The following TNFRSF21 variants were observed in gnomAD, a reference collection of about 807,000 sequenced individuals.
TNFRSF21 encodes tumor necrosis factor receptor superfamily member 21.
A neutral mutation model predicts 45.6 loss-of-function variants in TNFRSF21; 19 were observed. The observed-to-expected ratio is 0.42, with a 90% CI of 0.29 to 0.61. The LOEUF (loss-of-function observed/expected upper bound fraction) is 0.61. Among genes scored for constraint, TNFRSF21 ranks in the 20% least tolerant of loss-of-function variants. The pLI is 0.23. For synonymous variants in TNFRSF21, 314 were observed against 335.5 expected (o/e 0.94, Z 0.70); for missense variants, 737 against 851.5 (o/e 0.87, Z 1.67).
chr6:47,267,977 A>G (rs990041880), intron 3 of TNFRSF21, among the ~76,000 whole-genome samples: 2 of 152,204 alleles, frequency 1.3e-5, no homozygotes, highest in African/African-American at 4.8e-5. Flanking sequence ...ACAAGTAGAA[A>G]TTGAGGAGAA....
chr6:47,234,949 A>T, intron 4 of TNFRSF21, 51 bp from the exon 5 acceptor site: 1 of 1,086,470 alleles, frequency 9.2e-7, no homozygotes, highest in Non-Finnish European at 1.2e-6. Context: ...AAAACAGTAA[A>T]ATTAAAATCC....
chr6:47,274,794 A>G (rs1762473729), intron 3 of TNFRSF21, among the ~76,000 whole-genome samples: 2 of 152,230 alleles, frequency 1.3e-5, no homozygotes, highest in Admixed American at 6.5e-5. Flanking sequence ...ATTTACAAGA[A>G]AAAAACAAAC....
intron 4 of TNFRSF21, among the ~76,000 whole-genome samples, chr6:47,251,081 G>GA (rs1764894068): frequency 6.6e-6 from 1 of 152,054 alleles, no homozygotes; most frequent in East Asian, 1.9e-4. Flanking sequence ...TCCAAAGTCT[G>GA]AAAAAATCCA....
At chr6:47,242,767 G>A (rs548867125) in intron 4 of TNFRSF21, among the ~76,000 whole-genome samples, 7 of 152,310 alleles carry the variant, frequency 4.6e-5, no homozygotes, top group Admixed American at 3.9e-4. Context: ...CAGTGAATAA[G>A]TGGGTTCTCT....
chr6:47,309,691 G>C lies in TNFRSF21; in HGVS notation c.-180C>G. On this transcript the variant is annotated 5_prime_UTR_variant, in exon 1 of 6. Transcript: ENST00000296861. The stretch of plus-strand genomic sequence containing the variant: ...GGGAGGCGGCAAGGGAGGCTCTAGG[G>C]GCGCTCAGCACCTGCCCAGCGGCGC... 1 of 922,996 alleles carries C rather than the reference G, an allele frequency of 1.1e-6. No individual in the cohort carries two copies. Among genetic ancestry groups the C allele is most frequent in the South Asian group, 2.9e-5 (1 of 34,268 alleles). The allele number at this position is 922,996 out of a possible 1,614,324, so 57.2% of individuals were successfully genotyped here. A position where few individuals can be genotyped will look rare whatever the true frequency, so the allele number is the denominator to read the frequency against.
chr6:47,253,576 C>A, intron 3 of TNFRSF21, 55 bp from the exon 4 acceptor site: 6 of 1,577,732 alleles, frequency 3.8e-6, no homozygotes, highest in Non-Finnish European at 5.1e-6. Flanking sequence ...AAGCTTCTTA[C>A]ATAAGGCAGC....
chr6:47,276,452 A>G (rs1762499213), intron 3 of TNFRSF21, among the ~76,000 whole-genome samples: 1 of 152,242 alleles, frequency 6.6e-6, no homozygotes, highest in Non-Finnish European at 1.5e-5. Flanking sequence ...GAAAGCCTCC[A>G]AGAATCAAAC....
At chr6:47,285,536 C>T (rs1762632553) in intron 2 of TNFRSF21, among the ~76,000 whole-genome samples, 1 of 152,124 alleles carries the variant, frequency 6.6e-6, no homozygotes, top group Admixed American at 6.5e-5. Context: ...CTGCTCCTGG[C>T]TATGTCTACC....
chr6:47,286,000 G>A lies in TNFRSF21; in HGVS notation c.692C>T (p.Pro231Leu), dbSNP rs1762641379. The stretch of plus-strand genomic sequence containing the variant: ...ATGGGTTTCCATGTGCTCAGGGCGT[G>A]GAAAGATGGCTGTGCCAGGGGAAGG... ...TSPSPGTAIF[P>L]RPEHMETHEV... The change falls in exon 2 of 6, where the codon CCA (proline) becomes CTA (leucine). Residue 231 changes from proline (P) to leucine (L), a missense_variant. Pro to Leu is a moderately conservative substitution (Grantham distance 98). Coordinates refer to ENST00000296861, the MANE Select transcript of TNFRSF21 (RefSeq NM_014452.5). 2 of 1,614,238 alleles carry A rather than the reference G, an allele frequency of 1.2e-6. No homozygotes were observed. Among genetic ancestry groups the A allele is most frequent in the Non-Finnish European group, 1.7e-6 (2 of 1,180,044 alleles).
chr6:47,254,434 G>A (rs1764951000), intron 3 of TNFRSF21, among the ~76,000 whole-genome samples: 1 of 152,206 alleles, frequency 6.6e-6, no homozygotes, highest in South Asian at 2.1e-4. Flanking sequence ...ACCTTGGAAA[G>A]CTAAACTGTG....
Position 47,281,143 on chromosome 6 carries a change from C to A in TNFRSF21, c.1243+2795G>T, listed in dbSNP as rs553930203. ...GCAAATGAAAGGCAAAGGATTGTAA[C>A]CCTGCTAAATTTATTAAGGTTGAAA... On this transcript the variant is annotated intron_variant, in intron 3 of 5. Transcript: ENST00000296861. Among the ~76,000 whole-genome samples, 5 of 152,152 alleles carry A rather than the reference C, an allele frequency of 3.3e-5. No homozygotes were observed. In the South Asian group the frequency reaches 6.2e-4, roughly 19 times the overall value.
intron 1 of TNFRSF21, among the ~76,000 whole-genome samples, chr6:47,307,404 G>T (rs571407102): frequency 6.6e-6 from 1 of 152,008 alleles, no homozygotes; most frequent in Non-Finnish European, 1.5e-5. Context: ...TTGGAGACAG[G>T]GTCTCACTCT....
At chr6:47,246,995 C>G (rs537724581) in intron 4 of TNFRSF21, among the ~76,000 whole-genome samples, 1 of 152,284 alleles carries the variant, frequency 6.6e-6, no homozygotes, top group African/African-American at 2.4e-5. Context: ...TCTCCATCAC[C>G]ACAAGTGAGT....
At chr6:47,250,011 T>C (rs181102673) in intron 4 of TNFRSF21, among the ~76,000 whole-genome samples, 11 of 152,280 alleles carry the variant, frequency 7.2e-5, no homozygotes, top group Admixed American at 6.5e-4. Flanking sequence ...AACCCAAATA[T>C]TTGAGTAATT....
At position 47,294,599 on chromosome 6, in the gene TNFRSF21, C is replaced by G. The variant is rs1762770725; in HGVS notation, c.97-8004G>C. Among the ~76,000 whole-genome samples, 4 of 152,224 alleles carry G rather than the reference C, an allele frequency of 2.6e-5. No homozygotes were observed. The South Asian group carries it at 6.2e-4, about 24-fold the overall frequency. ...CCCTGAGGACATCACTCTGTTTTAA[C>G]AGAACTACAAATGGCTTACAAGAAT... On this transcript the variant is annotated intron_variant, in intron 1 of 5. Coordinates refer to ENST00000296861, the MANE Select transcript of TNFRSF21 (RefSeq NM_014452.5).
intron 3 of TNFRSF21, among the ~76,000 whole-genome samples, chr6:47,266,004 T>C (rs186927441): frequency 8.5e-5 from 13 of 152,350 alleles, no homozygotes; most frequent in Non-Finnish European, 1.9e-4. Context: ...GAAGAGTTTA[T>C]TAATATTGTT....
At chr6:47,276,059 A>C (rs926338865) in intron 3 of TNFRSF21, among the ~76,000 whole-genome samples, 1 of 152,208 alleles carries the variant, frequency 6.6e-6, no homozygotes, top group East Asian at 1.9e-4. Flanking sequence ...TTACAAAGAA[A>C]GATGAGATCC....
chr6:47,298,327 TC>T (rs886202725), intron 1 of TNFRSF21, among the ~76,000 whole-genome samples: 2 of 149,418 alleles, frequency 1.3e-5, no homozygotes, highest in African/African-American at 4.9e-5. Flanking sequence ...ATAGTGGTGT[TC>T]CAGCTACTCA....
chr6:47,245,427 AGTGTGTGTGTGTGTGT>A (rs375623340), intron 4 of TNFRSF21, among the ~76,000 whole-genome samples: 1 of 142,186 alleles, frequency 7.0e-6, no homozygotes, highest in African/African-American at 2.6e-5. Flanking sequence ...ACTAAGAAGA[AGTGTGTGTGTGTGTGT>A]GTGTGTGTGT....
Sources: gnomAD v4.1 joint callset for allele counts (sites outside exome capture counted in the v4.1 genomes callset) on GRCh38, gnomAD v4.1.1 for gene constraint, MANE v1.5 for transcripts, NCBI Gene and HGNC (gene_info 2026-07-23, HGNC 2026-07-21) for gene names.